The following PPP1R3D variants were observed in gnomAD, a reference collection of about 807,000 sequenced individuals.
PPP1R3D encodes the protein protein phosphatase 1 regulatory subunit 3D, also known as PP1 subunit R6.
A neutral mutation model predicts 16.3 loss-of-function variants in PPP1R3D; 27 were observed. The observed-to-expected ratio is 1.66, with a 90% CI of 1.22 to 2.29. The LOEUF is 2.29. Ranked by LOEUF, PPP1R3D falls within the 30% of genes most tolerant of loss-of-function variation. The probability of loss-of-function intolerance (pLI) is 0.00; values close to 1 mark genes in which losing one functional copy is unlikely to be tolerated. For missense variants in PPP1R3D, 472 were observed against 438.3 expected (o/e 1.08, Z -0.69); for synonymous variants, 223 against 209.7 (o/e 1.06, Z -0.55).
In PPP1R3D at chr20:59,938,895, G is replaced by C. The variant is rs1171320637; in HGVS notation, c.*137C>G. On this transcript the variant is annotated 3_prime_UTR_variant, in exon 1 of 1. Transcript: ENST00000370996. ...AAGACAGGATGGGCCACTGCCAGGG[G>C]ACCTTGCAGCAGAAAATTAGGTCAG... is the stretch of plus-strand genomic sequence containing the variant. 1.3e-6 allele frequency: 1 copy of C among 799,218 alleles called. No homozygotes were observed. Among genetic ancestry groups the C allele is most frequent in the Non-Finnish European group, 1.8e-6 (1 of 557,200 alleles). The allele number at this position is 799,218 out of a possible 1,614,324, so 49.5% of individuals were successfully genotyped here. A position where few individuals can be genotyped will look rare whatever the true frequency, so the allele number is the denominator to read the frequency against.
In PPP1R3D at chr20:59,940,002, G is replaced by T; in HGVS notation, c.-71C>A. 8.4e-7 allele frequency: 1 copy of T among 1,190,956 alleles called. No individual in the cohort carries two copies. The highest frequency in any genetic ancestry group is 1.1e-6 in the Non-Finnish European group (1 of 938,104). 73.8% of individuals were successfully genotyped at this position (1,190,956 alleles called of 1,614,324 possible). Reference sequence around the variant, plus strand: ...TCCCGACCCCGCGACAGCTCCCTCCGTGCTCAGAAGCCGCAGAGAGTCCAC... The same window carrying T: ...TCCCGACCCCGCGACAGCTCCCTCCTTGCTCAGAAGCCGCAGAGAGTCCAC... On this transcript the variant is annotated 5_prime_UTR_variant, in exon 1 of 1. Coordinates refer to ENST00000370996, the MANE Select transcript of PPP1R3D (RefSeq NM_006242.4).
At position 59,938,962 on chromosome 20, in the gene PPP1R3D, A is replaced by G; in HGVS notation, c.*70T>C. 7.2e-7 allele frequency: 1 copy of G among 1,396,804 alleles called. No individual in the cohort carries two copies. Among genetic ancestry groups the G allele is most frequent in the Non-Finnish European group, 9.4e-7 (1 of 1,062,224 alleles). 86.5% of individuals were successfully genotyped at this position (1,396,804 alleles called of 1,614,324 possible). A position where few individuals can be genotyped will look rare whatever the true frequency, so the allele number is the denominator to read the frequency against. The stretch of plus-strand genomic sequence containing the variant: ...TGAAGAACAACCAGATAGATGTGAG[A>G]GCCCAGCAGGGAAATGACAGGAGGC... On this transcript the variant is annotated 3_prime_UTR_variant, in exon 1 of 1. Coordinates refer to ENST00000370996, the MANE Select transcript of PPP1R3D (RefSeq NM_006242.4).
rs1179244262 is a variant in PPP1R3D, at chr20:59,939,018, G to A, written c.*14C>T. The A allele has an allele frequency of 3.3e-6, 5 of 1,493,906 alleles. No individual in the cohort carries two copies. The highest frequency in any genetic ancestry group is 8.9e-7 in the Non-Finnish European group (1 of 1,125,046). The allele number at this position is 1,493,906 out of a possible 1,614,324, so 92.5% of individuals were successfully genotyped here. A position where few individuals can be genotyped will look rare whatever the true frequency, so the allele number is the denominator to read the frequency against. On this transcript the variant is annotated 3_prime_UTR_variant, in exon 1 of 1. Coordinates refer to ENST00000370996, the MANE Select transcript of PPP1R3D (RefSeq NM_006242.4). ...TTAGGTGTGGAGGCTCCAGGTGGCC[G>A]GTCCCCGCGCGGCTCAGATGAAGTG...
In PPP1R3D at chr20:59,940,182, C is replaced by T. The variant is rs921538543; in HGVS notation, c.-251G>A. 2.6e-6 allele frequency: 1 copy of T among 378,950 alleles called. No individual in the cohort carries two copies. Among genetic ancestry groups the T allele is most frequent in the East Asian group, 4.0e-5 (1 of 24,836 alleles). The allele number at this position is 378,950 out of a possible 1,614,324, so 23.5% of individuals were successfully genotyped here. On this transcript the variant is annotated 5_prime_UTR_variant, in exon 1 of 1. Transcript: ENST00000370996. Reference sequence around the variant, plus strand: ...TTTCTCTAGTGGAAGCTTTCAGAGGCCTCCCGGGAGCGCAGGGTAGCGCCT... The same window carrying T: ...TTTCTCTAGTGGAAGCTTTCAGAGGTCTCCCGGGAGCGCAGGGTAGCGCCT...
In PPP1R3D at chr20:59,939,915, C is replaced by G. The variant is rs1239182657; in HGVS notation, c.17G>C (p.Ser6Thr). The G allele has an allele frequency of 1.6e-6, 2 of 1,257,152 alleles. No homozygotes were observed. Among genetic ancestry groups the G allele is most frequent in the Non-Finnish European group, 2.0e-6 (2 of 995,808 alleles). The allele number at this position is 1,257,152 out of a possible 1,614,324, so 77.9% of individuals were successfully genotyped here. Residue 6 changes from serine to threonine, a missense_variant, in exon 1 of 1, where the codon AGC (serine) becomes ACC (threonine). Physicochemically the swap from Ser to Thr is moderately conservative, Grantham distance 58 (BLOSUM62 1). Transcript: ENST00000370996. ...CAGGGCGCTAGGCAGGACCGCGGAGCTCGGGCCTCTGGACATGGCCCCGCC... is the reference window on the plus strand; with the variant it reads ...CAGGGCGCTAGGCAGGACCGCGGAGGTCGGGCCTCTGGACATGGCCCCGCC... MSRGP[S>T]SAVLPSALGS...
Position 59,939,560 on chromosome 20 carries a change from G to T in PPP1R3D, c.372C>A (p.Asp124Glu). The change falls in exon 1 of 1, where the codon GAC becomes GAA. Residue 124 changes from aspartate to glutamate, a missense_variant. By Grantham distance (45) the Asp-to-Glu change is conservative. Coordinates refer to ENST00000370996, the MANE Select transcript of PPP1R3D (RefSeq NM_006242.4). Reference sequence around the variant, plus strand: ...ACAGCACGTGCAGCGGCACGGACGGGTCGTCTCCCGCGTTGAACACCTTGA... The same window carrying T: ...ACAGCACGTGCAGCGGCACGGACGGTTCGTCTCCCGCGTTGAACACCTTGA... The part of the protein sequence containing the change: ...AQVKVFNAGD[D>E]PSVPLHVLSR... 1 of 1,611,520 alleles carries T rather than the reference G, an allele frequency of 6.2e-7. No homozygotes were observed. The highest frequency in any genetic ancestry group is 8.5e-7 in the Non-Finnish European group (1 of 1,179,380).
chr20:59,940,256 C>G lies in PPP1R3D; in HGVS notation c.-325G>C. The stretch of plus-strand genomic sequence containing the variant: ...AGGTTCTTACAAGAAGGCTGCGTTC[C>G]GGGAGCGGCCCCTCCCACTTTCCCG... On this transcript the variant is annotated 5_prime_UTR_variant, in exon 1 of 1. Transcript: ENST00000370996. 4.6e-6 allele frequency: 1 copy of G among 216,624 alleles called. No homozygotes were observed. Among genetic ancestry groups the G allele is most frequent in the Non-Finnish European group, 9.9e-6 (1 of 101,006 alleles). The allele number at this position is 216,624 out of a possible 1,614,324, so 13.4% of individuals were successfully genotyped here. A position where few individuals can be genotyped will look rare whatever the true frequency, so the allele number is the denominator to read the frequency against.
At position 59,939,424 on chromosome 20, in the gene PPP1R3D, C is replaced by T. The variant is rs759366185; in HGVS notation, c.508G>A (p.Glu170Lys). The T allele has an allele frequency of 6.0e-5, 97 of 1,610,986 alleles. No homozygotes were observed. Among genetic ancestry groups the T allele is most frequent in the Non-Finnish European group, 7.0e-5 (83 of 1,179,446 alleles). The stretch of plus-strand genomic sequence containing the variant: ...CACACGAGCTGCCGCTGCAGGCGCT[C>T]GCCAAAGTCGGCGGCCTCGACGGGC... ...PPPVEAADFGERLQRQLVCLE... is the reference protein window; with the variant it reads ...PPPVEAADFGKRLQRQLVCLE... Residue 170 changes from glutamate to lysine, a missense_variant, in exon 1 of 1, where the codon GAG (glutamate) becomes AAG (lysine). Coordinates refer to ENST00000370996, the MANE Select transcript of PPP1R3D (RefSeq NM_006242.4).
In PPP1R3D at chr20:59,939,792, GGGCTCCCAGGGGGCCTACAGGCCCGC is replaced by G. The variant is rs2060888572; in HGVS notation, c.114_139del (p.Arg39GlyfsTer310). On this transcript the variant is annotated frameshift_variant, in exon 1 of 1. Transcript: ENST00000370996. LOFTEE classifies it high-confidence loss of function. ...TGGCGTTGGCGGCGGCGCGCGGCCC[GGGCTCCCAGGGGGCCTACAGGCCCGC>G]GGCTCCAGGGCCACGCCGCCGTCCA... is the stretch of plus-strand genomic sequence containing the variant. The G allele has an allele frequency of 1.6e-6, 2 of 1,227,710 alleles. No homozygotes were observed. The highest frequency in any genetic ancestry group is 3.2e-5 in the East Asian group (1 of 31,264). 76.1% of individuals were successfully genotyped at this position (1,227,710 alleles called of 1,614,324 possible). A position where few individuals can be genotyped will look rare whatever the true frequency, so the allele number is the denominator to read the frequency against.
At position 59,939,663 on chromosome 20, in the gene PPP1R3D, C is replaced by G. The variant is rs746941305; in HGVS notation, c.269G>C (p.Gly90Ala). The G allele has an allele frequency of 4.7e-6, 7 of 1,481,502 alleles. 1 individual carries two copies. In the Admixed American group the frequency reaches 1.2e-4, roughly 26 times the overall value. 91.8% of individuals were successfully genotyped at this position (1,481,502 alleles called of 1,614,324 possible). The stretch of plus-strand genomic sequence containing the variant: ...GCTGCAGCCCGGCCGACACGCAGCG[C>G]CCGGCGCGCCCGCGGCCTTCTGGCG... ...ERRQKAAGAP[G>A]AACRPGCSQK... Residue 90 changes from glycine (G) to alanine (A), a missense_variant, in exon 1 of 1, where the codon GGC (glycine) becomes GCC (alanine). Transcript: ENST00000370996.
In PPP1R3D at chr20:59,937,174, TAA is replaced by T. The variant is rs769957374; in HGVS notation, c.*1856_*1857del. On this transcript the variant is annotated 3_prime_UTR_variant, in exon 1 of 1. Transcript: ENST00000370996. ...AGATTATGAGATTCTCTACATGCCT[TAA>T]AATAAATCTGGCAGCTCTTAACTCA... is the stretch of plus-strand genomic sequence containing the variant. The T allele has an allele frequency of 4.6e-5, 7 of 152,806 alleles. No homozygotes were observed. Among genetic ancestry groups the T allele is most frequent in the Non-Finnish European group, 1.0e-4 (7 of 68,038 alleles). The allele number at this position is 152,806 out of a possible 1,614,324, so 9.5% of individuals were successfully genotyped here.
chr20:59,938,795 A>C lies in PPP1R3D; in HGVS notation c.*237T>G. 6 of 362,914 alleles carry C rather than the reference A, an allele frequency of 1.7e-5. No homozygotes were observed. The highest frequency in any genetic ancestry group is 4.3e-5 in the East Asian group (1 of 23,070). 22.5% of individuals were successfully genotyped at this position (362,914 alleles called of 1,614,324 possible). ...TGCACCTACCCCACCACCCTGCCCCAACTCATTACACAACTCGGCCTTCTG... is the reference window on the plus strand; with the variant it reads ...TGCACCTACCCCACCACCCTGCCCCCACTCATTACACAACTCGGCCTTCTG... On this transcript the variant is annotated 3_prime_UTR_variant, in exon 1 of 1. Coordinates refer to ENST00000370996, the MANE Select transcript of PPP1R3D (RefSeq NM_006242.4).
chr20:59,937,724 A>G lies in PPP1R3D; in HGVS notation c.*1308T>C, dbSNP rs1170251280. Reference sequence around the variant, plus strand: ...ACCTGTTGTCAGACCACTGTTCAGCACCAAAAGAACTCCTCAGCCTGGAGT... The same window carrying G: ...ACCTGTTGTCAGACCACTGTTCAGCGCCAAAAGAACTCCTCAGCCTGGAGT... On this transcript the variant is annotated 3_prime_UTR_variant, in exon 1 of 1. Coordinates refer to ENST00000370996, the MANE Select transcript of PPP1R3D (RefSeq NM_006242.4). 6.6e-6 allele frequency: 1 copy of G among 151,484 alleles called. No homozygotes were observed. The allele number at this position is 151,484 out of a possible 1,614,324, so 9.4% of individuals were successfully genotyped here.
chr20:59,938,398 G>C lies in PPP1R3D; in HGVS notation c.*634C>G, dbSNP rs2060874624. 6.6e-6 allele frequency: 1 copy of C among 152,224 alleles called. No homozygotes were observed. The highest frequency in any genetic ancestry group is 1.5e-5 in the Non-Finnish European group (1 of 68,048). 9.4% of individuals were successfully genotyped at this position (152,224 alleles called of 1,614,324 possible). A position where few individuals can be genotyped will look rare whatever the true frequency, so the allele number is the denominator to read the frequency against. On this transcript the variant is annotated 3_prime_UTR_variant, in exon 1 of 1. Transcript: ENST00000370996. Reference sequence around the variant, plus strand: ...GCCCAGGAATGGTTGTGTGATGACTGATAAAGCAGAAATTTCTTGCCTATT... The same window carrying C: ...GCCCAGGAATGGTTGTGTGATGACTCATAAAGCAGAAATTTCTTGCCTATT...
chr20:59,936,846 TA>T lies in PPP1R3D; in HGVS notation c.*2185del, dbSNP rs2060865625. On this transcript the variant is annotated 3_prime_UTR_variant, in exon 1 of 1. Transcript: ENST00000370996. Reference sequence around the variant, plus strand: ...TGGCTCACAACTGTTTTTGCACATATACTTTAATACTTAGGCTTGGGTAAAA... The same window carrying T: ...TGGCTCACAACTGTTTTTGCACATATCTTTAATACTTAGGCTTGGGTAAAA... The T allele has an allele frequency of 6.6e-6, 1 of 152,318 alleles. No individual in the cohort carries two copies. The highest frequency in any genetic ancestry group is 6.5e-5 in the Admixed American group (1 of 15,278). The allele number at this position is 152,318 out of a possible 1,614,324, so 9.4% of individuals were successfully genotyped here.
At position 59,939,895 on chromosome 20, in the gene PPP1R3D, C is replaced by A. The variant is rs1308700448; in HGVS notation, c.37G>T (p.Ala13Ser). 2.4e-6 allele frequency: 3 copies of A among 1,253,934 alleles called. No individual in the cohort carries two copies. The African/African-American group carries it at 4.6e-5, about 19-fold the overall frequency. The allele number at this position is 1,253,934 out of a possible 1,614,324, so 77.7% of individuals were successfully genotyped here. ...GGGCCGAGCTTCCGGGATCCCAGGGCGCTAGGCAGGACCGCGGAGCTCGGG... is the reference window on the plus strand; with the variant it reads ...GGGCCGAGCTTCCGGGATCCCAGGGAGCTAGGCAGGACCGCGGAGCTCGGG... ...RGPSSAVLPS[A>S]LGSRKLGPRS... The change falls in exon 1 of 1, where the codon GCC becomes TCC. Residue 13 changes from alanine (A) to serine (S), a missense_variant. By Grantham distance (99) the Ala-to-Ser change is moderately conservative. Transcript: ENST00000370996.
Position 59,938,654 on chromosome 20 carries a change from A to G in PPP1R3D, c.*378T>C, listed in dbSNP as rs1297265809. The G allele has an allele frequency of 5.8e-6, 1 of 172,872 alleles. No individual in the cohort carries two copies. The highest frequency in any genetic ancestry group is 6.3e-5 in the Admixed American group (1 of 15,804). 10.7% of individuals were successfully genotyped at this position (172,872 alleles called of 1,614,324 possible). A position where few individuals can be genotyped will look rare whatever the true frequency, so the allele number is the denominator to read the frequency against. ...AGGTCCCAACATCACAATAATAAAT[A>G]ACAGCTATGTTTACAGAGACACATT... is the stretch of plus-strand genomic sequence containing the variant. On this transcript the variant is annotated 3_prime_UTR_variant, in exon 1 of 1. Coordinates refer to ENST00000370996, the MANE Select transcript of PPP1R3D (RefSeq NM_006242.4).
Position 59,939,274 on chromosome 20 carries a change from C to G in PPP1R3D, c.658G>C (p.Val220Leu). 1 of 1,612,306 alleles carries G rather than the reference C, an allele frequency of 6.2e-7. No individual in the cohort carries two copies. The highest frequency in any genetic ancestry group is 1.6e-4 in the Middle Eastern group (1 of 6,062). ...CCTGCGGGCCCGCGCCACCGCGCCA[C>G]CGCCTCGTGGGTACTGCGCCAGCCC... is the stretch of plus-strand genomic sequence containing the variant. The part of the protein sequence containing the change: ...FSGWRSTHEA[V>L]ARWRGPAGPE... Residue 220 changes from valine (V) to leucine (L), a missense_variant, in exon 1 of 1, where the codon GTG becomes CTG. Coordinates refer to ENST00000370996, the MANE Select transcript of PPP1R3D (RefSeq NM_006242.4).
In PPP1R3D at chr20:59,939,547, G is replaced by C. The variant is rs755331391; in HGVS notation, c.385C>G (p.Leu129Val). The C allele has an allele frequency of 5.0e-6, 8 of 1,611,892 alleles. No individual in the cohort carries two copies. The East Asian group carries it at 1.8e-4, about 36-fold the overall frequency. ...FNAGDDPSVP[L>V]HVLSRLAINS... ...ATTGCGAGCCGCGACAGCACGTGCAGCGGCACGGACGGGTCGTCTCCCGCG... is the reference window on the plus strand; with the variant it reads ...ATTGCGAGCCGCGACAGCACGTGCACCGGCACGGACGGGTCGTCTCCCGCG... Residue 129 changes from leucine to valine, a missense_variant, in exon 1 of 1, where the codon CTG becomes GTG. Transcript: ENST00000370996.
Sources: allele counts gnomAD v4.1 joint callset, GRCh38; gene constraint gnomAD v4.1.1; transcripts MANE v1.5; gene names NCBI Gene and HGNC (gene_info 2026-07-23, HGNC 2026-07-21).